Variants in GFRA2 observed in about 807,000 individuals in gnomAD.
GFRA2 encodes GDNF family receptor alpha-2.
In GFRA2, 17 loss-of-function variants were observed where a neutral mutation model predicts 48.3. The ratio of observed to expected loss-of-function variants is 0.35; its 90% confidence interval spans 0.24 to 0.53. The LOEUF is 0.53. Ranked by LOEUF, GFRA2 falls within the 20% of genes least tolerant of loss-of-function variation. The pLI is 0.93. For synonymous variants in GFRA2, 305 were observed against 257.2 expected (o/e 1.19, Z -1.78); for missense variants, 660 against 637.3 (o/e 1.04, Z -0.38).
intron 6 of GFRA2, among the ~76,000 whole-genome samples, chr8:21,704,180 A>AGGCGC: frequency 6.6e-6 from 1 of 152,224 alleles, no homozygotes; most frequent in Admixed American, 6.5e-5. Flanking sequence ...CCCAGGGTGG[A>AGGCGC]CTGGCAGGCG....
intron 4 of GFRA2, among the ~76,000 whole-genome samples, chr8:21,723,779 A>G (rs1007906395): frequency 5.3e-5 from 8 of 152,346 alleles, no homozygotes; most frequent in African/African-American, 1.7e-4. Flanking sequence ...TGGGCTGGCC[A>G]TAAGACCATT....
At chr8:21,811,213 C>T (rs887047048) in intron 1 of GFRA2, among the ~76,000 whole-genome samples, 11 of 152,258 alleles carry the variant, frequency 7.2e-5, no homozygotes, top group African/African-American at 2.2e-4. Flanking sequence ...GTACTTTCTG[C>T]CTCGGGCCTC....
At chr8:21,755,596 A>G (rs1315040328) in intron 3 of GFRA2, among the ~76,000 whole-genome samples, 1 of 148,304 alleles carries the variant, frequency 6.7e-6, no homozygotes, top group Admixed American at 6.7e-5. Context: ...TGTGTCAGGG[A>G]AGTCAGGTGT....
chr8:21,694,067 T>TATATATA (rs1802025193), intron 8 of GFRA2, among the ~76,000 whole-genome samples: 1 of 71,210 alleles, frequency 1.4e-5, no homozygotes, highest in African/African-American at 6.0e-5. Context: ...ATATATATAT[T>TATATATA]TATTTATTTT....
At chr8:21,777,757 A>G (rs1304788685) in intron 2 of GFRA2, among the ~76,000 whole-genome samples, 1 of 152,128 alleles carries the variant, frequency 6.6e-6, no homozygotes, top group Non-Finnish European at 1.5e-5. Context: ...AAGACAGTGA[A>G]AAGGGACCTG....
intron 4 of GFRA2, among the ~76,000 whole-genome samples, chr8:21,724,329 G>C (rs994826409): frequency 6.6e-6 from 1 of 152,112 alleles, no homozygotes; most frequent in African/African-American, 2.4e-5. Flanking sequence ...AGACATTGCT[G>C]GGGGGTTGGT....
At chr8:21,744,251 G>A (rs1049185473) in intron 4 of GFRA2, among the ~76,000 whole-genome samples, 13 of 152,172 alleles carry the variant, frequency 8.5e-5, no homozygotes, top group Non-Finnish European at 1.9e-4. Flanking sequence ...CTTGAGGGAG[G>A]TGAGCCCAAC....
chr8:21,690,938 G>C lies in GFRA2; in HGVS notation c.*2340C>G, dbSNP rs1050731384. The C allele has an allele frequency of 6.6e-6, 1 of 152,178 alleles. No individual in the cohort carries two copies. Among genetic ancestry groups the C allele is most frequent in the Non-Finnish European group, 1.5e-5 (1 of 68,040 alleles). The allele number at this position is 152,178 out of a possible 1,614,324, so 9.4% of individuals were successfully genotyped here. A position where few individuals can be genotyped will look rare whatever the true frequency, so the allele number is the denominator to read the frequency against. ...TGCAAAGAACACGGATTCCTAAGTG[G>C]ATGCCATGACCACGTCTACCCGCAA... is the stretch of plus-strand genomic sequence containing the variant. On this transcript the variant is annotated 3_prime_UTR_variant, in exon 9 of 9. Coordinates refer to ENST00000524240, the MANE Select transcript of GFRA2 (RefSeq NM_001495.5).
intron 3 of GFRA2, among the ~76,000 whole-genome samples, chr8:21,759,342 C>T (rs1456601038): frequency 6.6e-6 from 1 of 150,420 alleles, no homozygotes; most frequent in Non-Finnish European, 1.5e-5. Flanking sequence ...GGCAAGAACG[C>T]ACCATTGCAC....
At chr8:21,810,700 C>A (rs1424369639) in intron 1 of GFRA2, among the ~76,000 whole-genome samples, 2 of 152,148 alleles carry the variant, frequency 1.3e-5, no homozygotes, top group African/African-American at 2.4e-5. Flanking sequence ...ATGTCAGGTA[C>A]AGAGCCTGAA....
At chr8:21,725,383 A>C (rs1803816437) in intron 4 of GFRA2, among the ~76,000 whole-genome samples, 1 of 152,232 alleles carries the variant, frequency 6.6e-6, no homozygotes, top group African/African-American at 2.4e-5. Context: ...GAAGCCCTTT[A>C]CAGAAGCCCA....
intron 6 of GFRA2, 49 bp downstream of exon 6, chr8:21,704,936 G>A (rs549766129): frequency 2.8e-6 from 4 of 1,407,866 alleles, no homozygotes; most frequent in African/African-American, 2.8e-5. Context: ...ACAGACTCCA[G>A]GAGGGGTGGG....
chr8:21,774,185 C>A (rs1179304530), intron 3 of GFRA2, among the ~76,000 whole-genome samples: 1 of 151,504 alleles, frequency 6.6e-6, no homozygotes, highest in Admixed American at 6.6e-5. Context: ...AGACCAGAAC[C>A]CCCTCCCCAG....
chr8:21,735,450 C>T (rs1348620050), intron 4 of GFRA2, among the ~76,000 whole-genome samples: 1 of 152,000 alleles, frequency 6.6e-6, no homozygotes, highest in Non-Finnish European at 1.5e-5. Flanking sequence ...TTCTCCTTCG[C>T]ACACACACAG....
At chr8:21,778,996 T>C (rs1400966875) in intron 2 of GFRA2, among the ~76,000 whole-genome samples, 1 of 149,114 alleles carries the variant, frequency 6.7e-6, no homozygotes, top group Non-Finnish European at 1.5e-5. Context: ...AGCTCCAGAG[T>C]TCAAGATCAG....
chr8:21,770,819 A>T (rs1404991669), intron 3 of GFRA2, among the ~76,000 whole-genome samples: 1 of 152,022 alleles, frequency 6.6e-6, no homozygotes, highest in Non-Finnish European at 1.5e-5. Flanking sequence ...TAGCCCCACA[A>T]GTCCACACCC....
intron 3 of GFRA2, among the ~76,000 whole-genome samples, chr8:21,769,674 C>T (rs1321217099): frequency 3.3e-5 from 5 of 152,184 alleles, no homozygotes; most frequent in African/African-American, 9.6e-5. Context: ...GTCACACACA[C>T]ACGCAGAGGG....
chr8:21,782,232 C>T (rs1348658109), intron 2 of GFRA2, among the ~76,000 whole-genome samples: 4 of 151,884 alleles, frequency 2.6e-5, no homozygotes, highest in African/African-American at 9.7e-5. Flanking sequence ...CACTTCACAC[C>T]GTCCTTGCTT....
At chr8:21,789,614 C>T (rs1357207705), upstream of GFRA2, among the ~76,000 whole-genome samples, 1 of 152,118 alleles carries the variant, frequency 6.6e-6, no homozygotes, top group East Asian at 1.9e-4. Flanking sequence ...CGGCCCCGCG[C>T]GCCCCCGAAC....
Sources: gnomAD v4.1 joint callset for allele counts (sites outside exome capture counted in the v4.1 genomes callset) on GRCh38, gnomAD v4.1.1 for gene constraint, MANE v1.5 for transcripts, NCBI Gene and HGNC (gene_info 2026-07-23, HGNC 2026-07-21) for gene names.